The following CDH12 variants were observed in gnomAD, a reference collection of about 807,000 sequenced individuals.
The protein encoded by CDH12 is cadherin-12.
CDH12 carries 41 observed loss-of-function variants against 74.1 expected under a neutral mutation model. The observed-to-expected ratio is 0.55, with a 90% confidence interval of 0.43 to 0.72. The LOEUF is 0.72. CDH12 is among the 30% of genes least tolerant of loss of function. The probability of loss-of-function intolerance (pLI) is 0.00; values close to 1 mark genes in which losing one functional copy is unlikely to be tolerated. For missense variants in CDH12, 945 were observed against 977.2 expected (o/e 0.97, Z 0.44); for synonymous variants, 399 against 355.0 (o/e 1.12, Z -1.39).
intron 6 of CDH12, among the ~76,000 whole-genome samples, chr5:21,873,799 C>G (rs1472786304): frequency 2.0e-5 from 3 of 151,862 alleles, no homozygotes; most frequent in Non-Finnish European, 1.5e-5. Flanking sequence ...CACCCTCCCC[C>G]AACAGGCCCC....
chr5:21,819,768 T>G (rs967142832), intron 8 of CDH12, among the ~76,000 whole-genome samples: 1 of 151,904 alleles, frequency 6.6e-6, no homozygotes, highest in Non-Finnish European at 1.5e-5. Context: ...AAACTTCAAA[T>G]GTGGCCAGCA....
intron 3 of CDH12, among the ~76,000 whole-genome samples, chr5:22,349,297 C>T (rs1340910561): frequency 6.6e-6 from 1 of 152,168 alleles, no homozygotes; most frequent in Non-Finnish European, 1.5e-5. Flanking sequence ...CTGGACTGAA[C>T]CACTGTGTGG....
intron 1 of CDH12, among the ~76,000 whole-genome samples, chr5:22,678,778 T>A (rs1056312055): frequency 4.6e-5 from 7 of 152,184 alleles, no homozygotes; most frequent in Middle Eastern, 3.4e-3. Context: ...CATTTAGGAA[T>A]TGCAAAGATT....
intron 3 of CDH12, among the ~76,000 whole-genome samples, chr5:22,404,267 C>T (rs1357158072): frequency 6.6e-6 from 1 of 151,996 alleles, no homozygotes; most frequent in African/African-American, 2.4e-5. Context: ...AAAGCACAAA[C>T]TCACCTATTT....
chr5:22,590,082 T>C (rs181239578), intron 1 of CDH12, among the ~76,000 whole-genome samples: 1 of 152,276 alleles, frequency 6.6e-6, no homozygotes, highest in African/African-American at 2.4e-5. Flanking sequence ...TCTGTAAATC[T>C]GAGACTATTA....
intron 5 of CDH12, among the ~76,000 whole-genome samples, chr5:21,995,305 T>A (rs1736218222): frequency 6.6e-6 from 1 of 151,474 alleles, no homozygotes; most frequent in Non-Finnish European, 1.5e-5. Flanking sequence ...TGTAGTGAGC[T>A]CAGTATAGAG....
intron 3 of CDH12, among the ~76,000 whole-genome samples, chr5:22,240,229 T>C (rs1165232702): frequency 6.6e-6 from 1 of 152,204 alleles, no homozygotes; most frequent in Non-Finnish European, 1.5e-5. Context: ...AACTGAGATA[T>C]TGATCATCTT....
At chr5:22,404,185 T>TAC (rs547489990) in intron 3 of CDH12, among the ~76,000 whole-genome samples, 247 of 151,318 alleles carry the variant, frequency 1.6e-3, no homozygotes, top group African/African-American at 2.5e-3. Context: ...TTTATAAATT[T>TAC]ACACACACAC....
chr5:22,031,365 G>C (rs1052565610), intron 5 of CDH12, among the ~76,000 whole-genome samples: 1 of 152,040 alleles, frequency 6.6e-6, no homozygotes, highest in African/African-American at 2.4e-5. Context: ...TAAAAAGAGA[G>C]AGAATGTTGT....
Position 21,880,627 on chromosome 5 carries a change from CTTTCTTTCTT to C in CDH12, c.527-25847_527-25838del, listed in dbSNP as rs1168672451. Among the ~76,000 whole-genome samples, 2 of 69,854 alleles carry C rather than the reference CTTTCTTTCTT, an allele frequency of 2.9e-5. 1 individual carries two copies. The highest frequency in any genetic ancestry group is 1.1e-4 in the African/African-American group (2 of 18,762). The allele number at this position is 69,854 out of a possible 152,430, so 45.8% of individuals were successfully genotyped here. On this transcript the variant is annotated intron_variant, in intron 6 of 14. Transcript: ENST00000382254. ...TCCTTCCTTCCTTCCTTCTTTCTTT[CTTTCTTTCTT>C]TCTTTCTTTCTTTCTTTCTTTCTTT...
chr5:22,749,029 G>A (rs905428757), intron 1 of CDH12, among the ~76,000 whole-genome samples: 5 of 152,154 alleles, frequency 3.3e-5, no homozygotes, highest in Non-Finnish European at 5.9e-5. Flanking sequence ...GAGAGGTGTC[G>A]ACTTAGGTTT....
At chr5:22,416,126 G>C (rs1743378766) in intron 2 of CDH12, among the ~76,000 whole-genome samples, 1 of 119,464 alleles carries the variant, frequency 8.4e-6, no homozygotes, top group Admixed American at 1.2e-4. Context: ...CCAGGCGGGA[G>C]TGCAGTGGCG....
chr5:22,328,736 T>C (rs1171974918), intron 3 of CDH12, among the ~76,000 whole-genome samples: 1 of 151,890 alleles, frequency 6.6e-6, no homozygotes, highest in Admixed American at 6.6e-5. Context: ...TAAAAGAAAG[T>C]GAAAAAATAT....
chr5:22,845,867 C>T (rs530819952), intron 1 of CDH12, among the ~76,000 whole-genome samples: 11 of 151,864 alleles, frequency 7.2e-5, no homozygotes, highest in African/African-American at 2.2e-4. Context: ...GAGTTGGGGT[C>T]GGGGAGAAGG....
intron 2 of CDH12, among the ~76,000 whole-genome samples, chr5:22,495,036 AC>A (rs1747045533): frequency 6.6e-6 from 1 of 152,168 alleles, no homozygotes; most frequent in South Asian, 2.1e-4. Context: ...AACAACAACA[AC>A]AAAAACTCCT....
At chr5:22,024,897 T>A (rs1172368351) in intron 5 of CDH12, among the ~76,000 whole-genome samples, 1 of 152,174 alleles carries the variant, frequency 6.6e-6, no homozygotes, top group African/African-American at 2.4e-5. Flanking sequence ...TTTTGAAACT[T>A]TGTGTTGGGT....
chr5:22,598,907 T>C (rs547979543), intron 1 of CDH12, among the ~76,000 whole-genome samples: 2 of 152,134 alleles, frequency 1.3e-5, no homozygotes, highest in East Asian at 1.9e-4. Context: ...TTCCCTGACA[T>C]GTGCACAGCT....
At chr5:22,627,372 T>C (rs1738353524) in intron 1 of CDH12, among the ~76,000 whole-genome samples, 1 of 151,050 alleles carries the variant, frequency 6.6e-6, no homozygotes, top group Non-Finnish European at 1.5e-5. Flanking sequence ...AAGGAACCCA[T>C]CAGGCTAACA....
rs938029807 is a variant in CDH12, at chr5:22,443,804, G to A, written c.-427-38453C>T. Among the ~76,000 whole-genome samples, 46 of 151,950 alleles carry A rather than the reference G, an allele frequency of 3.0e-4. 1 individual carries two copies. Among genetic ancestry groups the A allele is most frequent in the African/African-American group, 1.0e-3 (43 of 41,390 alleles). Reference sequence around the variant, plus strand: ...CTTTTTTGGTTCTAAAGGCTTTTTGGTTTTTTCAAATAATAAACAAACTTT... The same window carrying A: ...CTTTTTTGGTTCTAAAGGCTTTTTGATTTTTTCAAATAATAAACAAACTTT... On this transcript the variant is annotated intron_variant, in intron 2 of 14. Coordinates refer to ENST00000382254, the MANE Select transcript of CDH12 (RefSeq NM_004061.5).
Sources: gnomAD v4.1 joint callset for allele counts (sites outside exome capture counted in the v4.1 genomes callset) on GRCh38, gnomAD v4.1.1 for gene constraint, MANE v1.5 for transcripts, NCBI Gene and HGNC (gene_info 2026-07-23, HGNC 2026-07-21) for gene names.